Variants in ABR observed in about 807,000 individuals in gnomAD.
ABR encodes active breakpoint cluster region-related protein.
A neutral mutation model predicts 107.2 loss-of-function variants in ABR; 35 were observed. The observed-to-expected ratio is 0.33, with a 90% CI of 0.25 to 0.43. The LOEUF (loss-of-function observed/expected upper bound fraction) is 0.43, where lower values mean the gene tolerates loss of function less well. Ranked by LOEUF, ABR falls within the 20% of genes least tolerant of loss-of-function variation. The pLI, the probability that ABR is intolerant of heterozygous loss-of-function variation, is 1.00. For missense variants in ABR, 815 were observed against 1,115.2 expected (o/e 0.73, Z 3.83); for synonymous variants, 498 against 462.0 (o/e 1.08, Z -1.00).
chr17:1,203,934 C>T (rs899453397), intron 1 of ABR, among the ~76,000 whole-genome samples: 3 of 152,226 alleles, frequency 2.0e-5, no homozygotes, highest in South Asian at 2.1e-4. Flanking sequence ...AAATCCATGG[C>T]TCAAAGTGCT....
intron 1 of ABR, among the ~76,000 whole-genome samples, chr17:1,172,083 G>T (rs1000272399): frequency 6.6e-6 from 1 of 152,230 alleles, no homozygotes; most frequent in African/African-American, 2.4e-5. Flanking sequence ...TCTAGTGTGT[G>T]TGGGGAGGAA....
intron 2 of ABR, among the ~76,000 whole-genome samples, chr17:1,115,043 G>T (rs2038919997): frequency 6.6e-6 from 1 of 152,152 alleles, no homozygotes; most frequent in Non-Finnish European, 1.5e-5. Context: ...GGTAGGCAGG[G>T]GGTCCAGGGG....
At chr17:1,082,511 C>T (rs1482851731) in intron 5 of ABR, among the ~76,000 whole-genome samples, 5 of 149,078 alleles carry the variant, frequency 3.4e-5, no homozygotes, top group East Asian at 2.0e-4. Flanking sequence ...CAGAAGCACG[C>T]GTGTTCCTGG....
chr17:1,012,961 C>T, intron 17 of ABR, 144 bp downstream of exon 17: 1 of 1,110,928 alleles, frequency 9.0e-7, no homozygotes, highest in African/African-American at 1.6e-5. Context: ...AGGGTGTGGG[C>T]AGGAGGGGAG....
rs552479120 is a variant in ABR, at chr17:1,179,131, C to T, written c.61+536G>A. ...AAACGGCCCCCGCGGATATCTGCAC[C>T]CCCCGTCTCCCCTCCCACCCGATCC... is the stretch of plus-strand genomic sequence containing the variant. On this transcript the variant is annotated intron_variant, in intron 1 of 22. Coordinates refer to ENST00000302538, the MANE Select transcript of ABR (RefSeq NM_021962.5). This position sits in a 1 kb window ranked among gnomAD's most constrained non-coding sequence, Gnocchi z 4.9. 5.9e-5 allele frequency among the ~76,000 whole-genome samples: 9 copies of T among 151,992 alleles called. No homozygotes were observed. In the South Asian group the frequency reaches 1.0e-3, roughly 18 times the overall value.
chr17:1,139,291 G>A (rs570955759), intron 1 of ABR, among the ~76,000 whole-genome samples: 4 of 151,958 alleles, frequency 2.6e-5, no homozygotes, highest in Non-Finnish European at 4.4e-5. Context: ...TCGCTCTGTC[G>A]CCCAGGCTGG....
intron 16 of ABR, among the ~76,000 whole-genome samples, chr17:1,044,280 C>T (rs1475360511): frequency 2.0e-5 from 3 of 152,170 alleles, no homozygotes; most frequent in East Asian, 1.9e-4. Context: ...GCTCTGTGAC[C>T]GCGGCTGCCT....
chr17:1,026,243 G>A (rs537223729), intron 16 of ABR, among the ~76,000 whole-genome samples: 117 of 152,346 alleles, frequency 7.7e-4, no homozygotes, highest in Non-Finnish European at 1.1e-3. Flanking sequence ...AGACTGAGAC[G>A]AGAAAAATGG....
At chr17:1,227,937 AG>A (rs2043252293) in intron 1 of ABR, among the ~76,000 whole-genome samples, 1 of 152,182 alleles carries the variant, frequency 6.6e-6, no homozygotes, top group South Asian at 2.1e-4. Flanking sequence ...TACTACCAGA[AG>A]GGGGTTCAAA....
intron 10 of ABR, among the ~76,000 whole-genome samples, chr17:1,066,106 T>C (rs2034710452): frequency 1.3e-5 from 2 of 152,182 alleles, no homozygotes; most frequent in African/African-American, 4.8e-5. Flanking sequence ...CTTGAATTCC[T>C]GACCTCAGGC....
At chr17:1,161,096 A>G (rs1014181406) in intron 1 of ABR, among the ~76,000 whole-genome samples, 4 of 150,712 alleles carry the variant, frequency 2.7e-5, no homozygotes, top group African/African-American at 9.8e-5. Flanking sequence ...TCTGAGTCTC[A>G]TCTCCTTCCC....
Position 1,009,664 on chromosome 17 carries a change from G to A in ABR, c.2342+15C>T. ...GAGGGACTGAGGAGGTGGGGTTGGG[G>A]CCGCTCCCCGTTACCTTTTCAAGTG... On this transcript the variant is annotated intron_variant, in intron 21 of 22. Coordinates refer to ENST00000302538, the MANE Select transcript of ABR (RefSeq NM_021962.5). 6.2e-7 allele frequency: 1 copy of A among 1,608,476 alleles called. No individual in the cohort carries two copies. Among genetic ancestry groups the A allele is most frequent in the Non-Finnish European group, 8.5e-7 (1 of 1,175,070 alleles).
upstream of ABR, among the ~76,000 whole-genome samples, chr17:1,180,118 G>T (rs2150641240): frequency 6.6e-6 from 1 of 151,628 alleles, no homozygotes; most frequent in Non-Finnish European, 1.5e-5. Flanking sequence ...GACGCCCCCG[G>T]CCGGGCTAAG....
intron 17 of ABR, 137 bp from the exon 18 acceptor site, chr17:1,012,934 G>T: frequency 9.5e-7 from 1 of 1,056,358 alleles, no homozygotes; most frequent in Non-Finnish European, 1.4e-6. Context: ...CACAACACCT[G>T]CAGGACAGCA....
intron 16 of ABR, among the ~76,000 whole-genome samples, chr17:1,035,402 C>A (rs1478377476): frequency 2.1e-5 from 1 of 46,872 alleles, no homozygotes; most frequent in African/African-American, 9.2e-5. Context: ...CCCACACCTG[C>A]TCCCCCACCC....
At position 1,206,282 on chromosome 17, in the gene ABR, G is replaced by T. The variant is rs1219365546; in HGVS notation, c.838+22511C>A. On this transcript the variant is annotated intron_variant, in intron 1 of 22. Coordinates refer to the ABR transcript ENST00000574139. ...AGTGTAACTGCCACGTGACTGGGTTGTTGCGTGCACAACCGAGCATCCCTT... is the reference window on the plus strand; with the variant it reads ...AGTGTAACTGCCACGTGACTGGGTTTTTGCGTGCACAACCGAGCATCCCTT... 3.3e-5 allele frequency among the ~76,000 whole-genome samples: 5 copies of T among 152,200 alleles called. No individual in the cohort carries two copies. In the East Asian group the frequency reaches 9.6e-4, roughly 29 times the overall value.
At chr17:1,020,379 G>A (rs1048174308) in intron 16 of ABR, among the ~76,000 whole-genome samples, 10 of 150,334 alleles carry the variant, frequency 6.7e-5, no homozygotes, top group Non-Finnish European at 1.5e-4. Flanking sequence ...CCCTGCATCC[G>A]GCCGACTGTT....
At chr17:1,020,531 G>A (rs991374519) in intron 16 of ABR, among the ~76,000 whole-genome samples, 32 of 152,208 alleles carry the variant, frequency 2.1e-4, no homozygotes, top group African/African-American at 2.7e-4. Flanking sequence ...CAGGGGCACC[G>A]GGTTGAAATG....
At chr17:1,081,609 G>C (rs552791743) in intron 5 of ABR, among the ~76,000 whole-genome samples, 1 of 152,024 alleles carries the variant, frequency 6.6e-6, no homozygotes, top group South Asian at 2.1e-4. Flanking sequence ...ACAGGGTCTC[G>C]CTCTGTCACC....
Sources: allele counts gnomAD v4.1 joint callset (sites outside exome capture counted in the v4.1 genomes callset), GRCh38; gene constraint gnomAD v4.1.1; non-coding constraint Gnocchi (gnomAD v3.1); transcripts MANE v1.5; gene names NCBI Gene and HGNC (gene_info 2026-07-23, HGNC 2026-07-21).